HYKK: variants seen among roughly 807,000 people sequenced by gnomAD.
HYKK encodes 5-hydroxy-L-lysine kinase.
Under a neutral mutation model 29.7 loss-of-function variants are expected in HYKK, and 19 were observed. The ratio of observed to expected loss-of-function variants is 0.64; its 90% confidence interval spans 0.45 to 0.94. The LOEUF (loss-of-function observed/expected upper bound fraction) is 0.94, where lower values mean the gene tolerates loss of function less well. HYKK is among the 40% of genes least tolerant of loss of function. The pLI is 0.00. For missense variants in HYKK, 390 were observed against 443.4 expected, an observed-to-expected ratio of 0.88 and a Z score of 1.08; for synonymous variants, 152 against 158.1, an observed-to-expected ratio of 0.96 and a Z score of 0.29.
rs1047518777 is a variant in HYKK, at chr15:78,536,218, T to G, written c.*2548T>G. The G allele has an allele frequency of 4.6e-5, 7 of 152,088 alleles. No homozygotes were observed. Among genetic ancestry groups the G allele is most frequent in the Admixed American group, 6.6e-5 (1 of 15,262 alleles). 9.4% of individuals were successfully genotyped at this position (152,088 alleles called of 1,614,324 possible). ...AGACAGCCAGGGCTTAAATCAGGCCTTTCTGATGTAGACCATGCTCTTCAC... is the reference window on the plus strand; with the variant it reads ...AGACAGCCAGGGCTTAAATCAGGCCGTTCTGATGTAGACCATGCTCTTCAC... On this transcript the variant is annotated 3_prime_UTR_variant, in exon 5 of 5. Transcript: ENST00000388988.
At chr15:78,523,747 C>T (rs1474198866) in intron 3 of HYKK, among the ~76,000 whole-genome samples, 2 of 152,212 alleles carry the variant, frequency 1.3e-5, no homozygotes, top group African/African-American at 2.4e-5. Context: ...TGGGTAAACA[C>T]TCCTATTCCA....
chr15:78,512,605 T>C (rs1195456723), intron 1 of HYKK, among the ~76,000 whole-genome samples: 1 of 152,052 alleles, frequency 6.6e-6, no homozygotes, highest in Non-Finnish European at 1.5e-5. Context: ...TTTCACCATG[T>C]TGGCCAGGCT....
At chr15:78,523,811 C>G (rs1007890942) in intron 3 of HYKK, among the ~76,000 whole-genome samples, 2 of 152,242 alleles carry the variant, frequency 1.3e-5, no homozygotes, top group African/African-American at 2.4e-5. Context: ...AAGTCCAAAA[C>G]CCAGCAGGGC....
At chr15:78,525,047 A>G (rs1399754792) in intron 3 of HYKK, among the ~76,000 whole-genome samples, 1 of 152,238 alleles carries the variant, frequency 6.6e-6, no homozygotes, top group Non-Finnish European at 1.5e-5. Context: ...GTGACTATTT[A>G]GCAAGAAAAT....
chr15:78,532,323 A>C (rs1354415426), intron 4 of HYKK, among the ~76,000 whole-genome samples: 1 of 152,186 alleles, frequency 6.6e-6, no homozygotes, highest in Non-Finnish European at 1.5e-5. Context: ...TATCCCTGTA[A>C]AATTTTCTAA....
At chr15:78,510,987 A>G (rs1404200758) in intron 1 of HYKK, among the ~76,000 whole-genome samples, 1 of 140,110 alleles carries the variant, frequency 7.1e-6, no homozygotes, top group African/African-American at 2.8e-5. Context: ...TTTTTTTTAA[A>G]TAGAGAAGCG....
chr15:78,511,144 G>A lies in HYKK; in HGVS notation c.-5-1940G>A, dbSNP rs183066290. On this transcript the variant is annotated intron_variant, in intron 1 of 4. Coordinates refer to ENST00000388988, the MANE Select transcript of HYKK (RefSeq NM_001013619.4). Reference sequence around the variant, plus strand: ...ATTTTTATATAGTACTGTATCCCCTGAACAGCAATCAAAACATACCCTAAA... The same window carrying A: ...ATTTTTATATAGTACTGTATCCCCTAAACAGCAATCAAAACATACCCTAAA... Among the ~76,000 whole-genome samples, 81 of 151,478 alleles carry A rather than the reference G, an allele frequency of 5.3e-4. 1 individual carries two copies. The Middle Eastern group carries it at 0.038, about 71-fold the overall frequency.
At chr15:78,526,878 C>G (rs1375221014) in intron 3 of HYKK, among the ~76,000 whole-genome samples, 2 of 152,202 alleles carry the variant, frequency 1.3e-5, no homozygotes. Flanking sequence ...AATGCCAGCT[C>G]TCTCCCTCAC....
chr15:78,511,111 A>G (rs995944937), intron 1 of HYKK, among the ~76,000 whole-genome samples: 11 of 151,892 alleles, frequency 7.2e-5, no homozygotes, highest in African/African-American at 2.7e-4. Flanking sequence ...TGCCCAGCCC[A>G]TAAGATTATT....
intron 1 of HYKK, among the ~76,000 whole-genome samples, chr15:78,508,492 A>ACTTT (rs1468969929): frequency 9.9e-4 from 150 of 152,240 alleles, no homozygotes; most frequent in African/African-American, 3.4e-3. Context: ...CAAAGTACAG[A>ACTTT]GCTTAAGTTC....
intron 3 of HYKK, 143 bp downstream of exon 3, chr15:78,515,250 A>G: frequency 2.0e-6 from 1 of 507,356 alleles, no homozygotes; most frequent in Non-Finnish European, 3.2e-6. Flanking sequence ...CCTAGAGTGC[A>G]TACATTTTAT....
intron 3 of HYKK, among the ~76,000 whole-genome samples, chr15:78,517,109 C>CTTTTTTTTTTTTTTTTTTTTT (rs34680285): frequency 3.7e-5 from 4 of 108,400 alleles, no homozygotes; most frequent in Non-Finnish European, 7.5e-5. Context: ...TTCTTTCTTT[C>CTTTTTTTTTTTTTTTTTTTTT]TTTTTTTTTT....
chr15:78,522,352 G>A (rs375729297), intron 3 of HYKK, among the ~76,000 whole-genome samples: 62 of 152,094 alleles, frequency 4.1e-4, no homozygotes, highest in African/African-American at 1.4e-3. Flanking sequence ...ACTCCGGTTC[G>A]AGACCAGCCT....
At chr15:78,511,924 G>T (rs1344529439) in intron 1 of HYKK, among the ~76,000 whole-genome samples, 1 of 152,154 alleles carries the variant, frequency 6.6e-6, no homozygotes, top group Non-Finnish European at 1.5e-5. Context: ...CCCTTAGGCT[G>T]TAGTAATTTC....
intron 3 of HYKK, among the ~76,000 whole-genome samples, chr15:78,520,950 C>T (rs2052189177): frequency 6.6e-6 from 1 of 151,938 alleles, no homozygotes. Context: ...GACGGGGCAG[C>T]TGGCCGGGCG....
rs539136979 is a variant in HYKK, at chr15:78,525,499, T to A, written c.478-1881T>A. Among the ~76,000 whole-genome samples the A allele has an allele frequency of 1.1e-4, 16 of 149,156 alleles. No individual in the cohort carries two copies. The East Asian group carries it at 1.6e-3, about 15-fold the overall frequency. On this transcript the variant is annotated intron_variant, in intron 3 of 4. Coordinates refer to ENST00000388988, the MANE Select transcript of HYKK (RefSeq NM_001013619.4). ...AAATCTAATTTTTAAATTTTATTTT[T>A]TATATATATATTTTTTGAGACAGAG...
chr15:78,516,330 G>C (rs1201703035), intron 3 of HYKK, among the ~76,000 whole-genome samples: 5 of 148,876 alleles, frequency 3.4e-5, no homozygotes, highest in African/African-American at 1.2e-4. Context: ...GGAGGAAGAA[G>C]AGAAGGGTTG....
chr15:78,522,768 A>G (rs2052211222), intron 3 of HYKK, among the ~76,000 whole-genome samples: 1 of 152,020 alleles, frequency 6.6e-6, no homozygotes, highest in East Asian at 1.9e-4. Context: ...AATTTCAGCT[A>G]CTTGGGAGGA....
chr15:78,516,291 T>C (rs1453871701), intron 3 of HYKK, among the ~76,000 whole-genome samples: 1 of 151,934 alleles, frequency 6.6e-6, no homozygotes, highest in Non-Finnish European at 1.5e-5. Flanking sequence ...AGGTCTTCAT[T>C]GTCATCCTCA....
Sources: gnomAD v4.1 joint callset for allele counts (sites outside exome capture counted in the v4.1 genomes callset) on GRCh38, gnomAD v4.1.1 for gene constraint, MANE v1.5 for transcripts, NCBI Gene and HGNC (gene_info 2026-07-23, HGNC 2026-07-21) for gene names.